The following ZNF585A variants were observed in gnomAD, a reference collection of about 807,000 sequenced individuals.
ZNF585A encodes the protein zinc finger protein 585A.
In ZNF585A, 9 loss-of-function variants were observed where a neutral mutation model predicts 14.9. The ratio of observed to expected loss-of-function variants is 0.60; its 90% CI spans 0.36 to 1.05. The LOEUF (loss-of-function observed/expected upper bound fraction) is 1.05, where lower values mean the gene tolerates loss of function less well. Ranked by LOEUF, ZNF585A falls within the 50% of genes least tolerant of loss-of-function variation. The pLI is 0.01. For missense variants in ZNF585A, 726 were observed against 926.4 expected (o/e 0.78, Z 2.81); for synonymous variants, 276 against 319.9 (o/e 0.86, Z 1.46).
In ZNF585A at chr19:37,151,485, G is replaced by C. The variant is rs1971827492; in HGVS notation, c.*104C>G. 1 of 1,255,654 alleles carries C rather than the reference G, an allele frequency of 8.0e-7. No individual in the cohort carries two copies. The highest frequency in any genetic ancestry group is 1.5e-5 in the South Asian group (1 of 65,782). 77.8% of individuals were successfully genotyped at this position (1,255,654 alleles called of 1,614,324 possible). On this transcript the variant is annotated 3_prime_UTR_variant, in exon 5 of 5. Coordinates refer to ENST00000292841, the MANE Select transcript of ZNF585A (RefSeq NM_001288800.2). ...GAACAGCCATGTGTGACATTCTGCT[G>C]TGGTCATTTCTATTTACAATAATAT...
At chr19:37,167,368 T>C (rs1169958601) in intron 2 of ZNF585A, among the ~76,000 whole-genome samples, 1 of 151,764 alleles carries the variant, frequency 6.6e-6, no homozygotes, top group Non-Finnish European at 1.5e-5. Flanking sequence ...AGAGACGGAG[T>C]TTCACCATGT....
At position 37,155,927 on chromosome 19, in the gene ZNF585A, A is replaced by G; in HGVS notation, c.230T>C (p.Met77Thr). The G allele has an allele frequency of 6.2e-7, 1 of 1,612,978 alleles. No homozygotes were observed. Among genetic ancestry groups the G allele is most frequent in the Non-Finnish European group, 8.5e-7 (1 of 1,179,992 alleles). Residue 77 changes from methionine (M) to threonine (T), a missense_variant, in exon 4 of 5, where the codon ATG (methionine) becomes ACG (threonine). Around this residue, in one of 2 missense-constraint regions of ZNF585A, gnomAD observed 483 missense variants for 542.8 expected, o/e 0.89. Transcript: ENST00000292841. Reference protein sequence around the residue: ...GYQVPEAEVVMLEQGKEPWAL... With the variant: ...GYQVPEAEVVTLEQGKEPWAL... Reference sequence around the variant, plus strand: ...CCATGGTTCCTTTCCTTGCTCCAACATGACCACCTCTGCTTCAGGAACTTG... The same window carrying G: ...CCATGGTTCCTTTCCTTGCTCCAACGTGACCACCTCTGCTTCAGGAACTTG...
Position 37,152,982 on chromosome 19 carries a change from G to T in ZNF585A, c.917C>A (p.Ser306Tyr). 3.7e-6 allele frequency: 6 copies of T among 1,614,194 alleles called. No individual in the cohort carries two copies. The highest frequency in any genetic ancestry group is 4.2e-6 in the Non-Finnish European group (5 of 1,180,034). Residue 306 changes from serine to tyrosine, a missense_variant, in exon 5 of 5, where the codon TCC (serine) becomes TAC (tyrosine). Physicochemically the swap from Ser to Tyr is moderately radical, Grantham distance 144. Coordinates refer to ENST00000292841, the MANE Select transcript of ZNF585A (RefSeq NM_001288800.2). ...CTGAAGTTGTGACTTGGAAATGAAGGATTTGCCACAGTTACTGCACTCATA... is the reference window on the plus strand; with the variant it reads ...CTGAAGTTGTGACTTGGAAATGAAGTATTTGCCACAGTTACTGCACTCATA... ...KPYECSNCGKSFISKSQLQVH... is the reference protein window; with the variant it reads ...KPYECSNCGKYFISKSQLQVH...
At position 37,149,131 on chromosome 19, in the gene ZNF585A, G is replaced by C. The variant is rs1971783553; in HGVS notation, c.*2458C>G. 6.6e-6 allele frequency: 1 copy of C among 152,088 alleles called. No homozygotes were observed. The highest frequency in any genetic ancestry group is 2.4e-5 in the African/African-American group (1 of 41,434). 9.4% of individuals were successfully genotyped at this position (152,088 alleles called of 1,614,324 possible). Reference sequence around the variant, plus strand: ...ACACATTCTATGGTGTTACACCAAGGATGAACCCTAATATAACCTATAGAC... The same window carrying C: ...ACACATTCTATGGTGTTACACCAAGCATGAACCCTAATATAACCTATAGAC... On this transcript the variant is annotated 3_prime_UTR_variant, in exon 5 of 5. Transcript: ENST00000292841.
Position 37,153,226 on chromosome 19 carries a change from A to G in ZNF585A, c.673T>C (p.Tyr225His). 2 of 1,614,094 alleles carry G rather than the reference A, an allele frequency of 1.2e-6. No homozygotes were observed. Among genetic ancestry groups the G allele is most frequent in the African/African-American group, 2.7e-5 (2 of 75,022 alleles). Residue 225 changes from tyrosine to histidine, a missense_variant, in exon 5 of 5, where the codon TAT becomes CAT. Tyr to His is a moderately conservative substitution (Grantham distance 83). Coordinates refer to ENST00000292841, the MANE Select transcript of ZNF585A (RefSeq NM_001288800.2). Reference protein sequence around the residue: ...ECSQCGKGFSYNSDLSIHEKI... With the variant: ...ECSQCGKGFSHNSDLSIHEKI... ...TCATGTATACTGAGATCTGAGTTAT[A>G]AGAGAAGCCTTTCCCACACTGGCTG...
intron 2 of ZNF585A, among the ~76,000 whole-genome samples, chr19:37,166,390 G>T (rs1252196136): frequency 6.6e-6 from 1 of 150,592 alleles, no homozygotes. Context: ...CACAATCTCG[G>T]CTCACTACAA....
At chr19:37,171,249 T>C (rs899507107) in intron 1 of ZNF585A, among the ~76,000 whole-genome samples, 3 of 152,158 alleles carry the variant, frequency 2.0e-5, no homozygotes, top group Non-Finnish European at 4.4e-5. Context: ...CTGGGAGGGA[T>C]CTTATTACAC....
chr19:37,156,980 G>A (rs1192496788), intron 2 of ZNF585A, among the ~76,000 whole-genome samples: 2 of 152,118 alleles, frequency 1.3e-5, no homozygotes, highest in African/African-American at 2.4e-5. Context: ...GTGAGCCACC[G>A]CGCCTGGCCT....
intron 4 of ZNF585A, among the ~76,000 whole-genome samples, chr19:37,155,347 G>C (rs560080295): frequency 6.6e-6 from 1 of 151,450 alleles, no homozygotes; most frequent in South Asian, 2.1e-4. Flanking sequence ...AGCCAAAGAA[G>C]AACACAGAAG....
intron 2 of ZNF585A, among the ~76,000 whole-genome samples, chr19:37,158,339 C>T (rs1041759224): frequency 1.1e-4 from 17 of 152,128 alleles, no homozygotes; most frequent in Admixed American, 1.0e-3. Context: ...TGAAGGGAAG[C>T]GTACAATGGA....
chr19:37,149,407 A>G lies in ZNF585A; in HGVS notation c.*2182T>C, dbSNP rs1971788281. Reference sequence around the variant, plus strand: ...TTGTTACAATAAATATATAAGAGAAATAATCAAAAGTCATTTACAATAAAT... The same window carrying G: ...TTGTTACAATAAATATATAAGAGAAGTAATCAAAAGTCATTTACAATAAAT... On this transcript the variant is annotated 3_prime_UTR_variant, in exon 5 of 5. Coordinates refer to ENST00000292841, the MANE Select transcript of ZNF585A (RefSeq NM_001288800.2). 1 of 152,228 alleles carries G rather than the reference A, an allele frequency of 6.6e-6. No homozygotes were observed. The highest frequency in any genetic ancestry group is 2.1e-4 in the South Asian group (1 of 4,834). 9.4% of individuals were successfully genotyped at this position (152,228 alleles called of 1,614,324 possible).
rs577512023 is a variant in ZNF585A, at chr19:37,169,968, G to A, written c.-58C>T. The A allele has an allele frequency of 3.8e-6, 6 of 1,576,284 alleles. No homozygotes were observed. In the African/African-American group the frequency reaches 6.7e-5, roughly 18 times the overall value. On this transcript the variant is annotated 5_prime_UTR_variant, in exon 2 of 5. Transcript: ENST00000292841. Reference sequence around the variant, plus strand: ...GGTGTCTGAAGCTTGGCAGTCATCTGTGAACTCAAGCAGAGCTGCTCTGAA... The same window carrying A: ...GGTGTCTGAAGCTTGGCAGTCATCTATGAACTCAAGCAGAGCTGCTCTGAA...
chr19:37,151,089 C>T lies in ZNF585A; in HGVS notation c.*500G>A. 3.0e-6 allele frequency: 1 copy of T among 334,346 alleles called. No homozygotes were observed. Among genetic ancestry groups the T allele is most frequent in the Non-Finnish European group, 5.4e-6 (1 of 186,120 alleles). The allele number at this position is 334,346 out of a possible 1,614,324, so 20.7% of individuals were successfully genotyped here. The stretch of plus-strand genomic sequence containing the variant: ...CTGAATGAGGGTTGGATATGACCAA[C>T]TGTGGTAGATTCGAATGAGAAAGAA... On this transcript the variant is annotated 3_prime_UTR_variant, in exon 5 of 5. Coordinates refer to ENST00000292841, the MANE Select transcript of ZNF585A (RefSeq NM_001288800.2).
At chr19:37,159,982 T>C (rs1971988856) in intron 2 of ZNF585A, among the ~76,000 whole-genome samples, 1 of 151,910 alleles carries the variant, frequency 6.6e-6, no homozygotes, top group African/African-American at 2.4e-5. Context: ...TACTAAAGGA[T>C]TACATTAGAA....
Position 37,147,555 on chromosome 19 carries a change from T to TA in ZNF585A, c.*4033dup, listed in dbSNP as rs1228633480. On this transcript the variant is annotated 3_prime_UTR_variant, in exon 5 of 5. Transcript: ENST00000292841. ...TGTGAAAGTTTGATATGTAAAATAT[T>TA]AAAATTAGGTAATCATATAAAATAA... is the stretch of plus-strand genomic sequence containing the variant. 1.3e-5 allele frequency: 2 copies of TA among 152,186 alleles called. No homozygotes were observed. The highest frequency in any genetic ancestry group is 2.9e-5 in the Non-Finnish European group (2 of 68,044). 9.4% of individuals were successfully genotyped at this position (152,186 alleles called of 1,614,324 possible).
chr19:37,170,126 T>G, intron 1 of ZNF585A, 72 bp from the exon 2 acceptor site: 1 of 510,948 alleles, frequency 2.0e-6, no homozygotes. Context: ...TATATCAAGG[T>G]GCAGGTCCCT....
chr19:37,158,137 C>T (rs987313114), intron 2 of ZNF585A, among the ~76,000 whole-genome samples: 3 of 152,078 alleles, frequency 2.0e-5, no homozygotes, highest in South Asian at 4.1e-4. Flanking sequence ...CTACCTGCCT[C>T]GGCCTCCCAA....
At chr19:37,157,643 AAAGAC>A (rs1971951483) in intron 2 of ZNF585A, among the ~76,000 whole-genome samples, 2 of 152,176 alleles carry the variant, frequency 1.3e-5, no homozygotes, top group Admixed American at 6.5e-5. Context: ...AATGCCCAGA[AAAGAC>A]AAGAATAAAA....
intron 2 of ZNF585A, among the ~76,000 whole-genome samples, chr19:37,160,914 C>T (rs1403708742): frequency 6.6e-6 from 1 of 151,972 alleles, no homozygotes; most frequent in Non-Finnish European, 1.5e-5. Flanking sequence ...GTCGTCCAGG[C>T]TGAAGAGCAG....
Sources: gnomAD v4.1 joint callset for allele counts (sites outside exome capture counted in the v4.1 genomes callset) on GRCh38, gnomAD v4.1.1 for gene constraint, gnomAD v4.1.1 regional missense constraint, MANE v1.5 for transcripts, NCBI Gene and HGNC (gene_info 2026-07-23, HGNC 2026-07-21) for gene names.